The following NUP188 variants were observed in gnomAD, a reference collection of about 807,000 sequenced individuals.
NUP188 encodes nucleoporin 188, also known as nucleoporin NUP188.
In NUP188, 97 loss-of-function variants were observed where a neutral mutation model predicts 223.0. That is an observed-to-expected ratio of 0.43 (90% confidence interval 0.37 to 0.51). The LOEUF is 0.51. Ranked by LOEUF, NUP188 falls within the 20% of genes least tolerant of loss-of-function variation. The pLI is 0.00. For missense variants in NUP188, 1,947 were observed against 2,175.6 expected (o/e 0.89, Z 2.09); for synonymous variants, 869 against 828.0 (o/e 1.05, Z -0.85).
chr9:128,962,959 C>T (rs1841976420), intron 8 of NUP188, among the ~76,000 whole-genome samples: 1 of 152,124 alleles, frequency 6.6e-6, no homozygotes, highest in African/African-American at 2.4e-5. Flanking sequence ...TCTGGAATTA[C>T]ATATAAATAG....
intron 8 of NUP188, among the ~76,000 whole-genome samples, chr9:128,961,320 ACT>A (rs759084958): frequency 6.7e-6 from 1 of 149,312 alleles, no homozygotes; most frequent in African/African-American, 2.5e-5. Context: ...ACAGAGCAAG[ACT>A]CTGTCTCAGA....
chr9:128,961,360 AAGTT>A (rs1470442191), intron 8 of NUP188, among the ~76,000 whole-genome samples: 1 of 150,540 alleles, frequency 6.6e-6, no homozygotes, highest in African/African-American at 2.4e-5. Flanking sequence ...AAAAATATAA[AAGTT>A]AGCTGAGCGT....
rs111364021 is a variant in NUP188, at chr9:128,987,086, A to T, written c.2264+211A>T. On this transcript the variant is annotated intron_variant, in intron 22 of 43. Transcript: ENST00000372577. ...GAATGAGAGAGAGAGAGAGAGAGAG[A>T]GAGTGTGTGTGTGTGTGTGTGTGTG... Among the ~76,000 whole-genome samples the T allele has an allele frequency of 1.4e-3, 174 of 128,444 alleles. 3 individuals carry two copies. The highest frequency in any genetic ancestry group is 0.013 in the East Asian group (58 of 4,320). 84.3% of individuals were successfully genotyped at this position (128,444 alleles called of 152,430 possible).
intron 6 of NUP188, 37 bp downstream of exon 6, chr9:128,958,091 A>C (rs1201554614): frequency 6.4e-7 from 1 of 1,560,074 alleles, no homozygotes; most frequent in East Asian, 2.2e-5. Context: ...TTTGATGTAA[A>C]ATTGAGTGAC....
At chr9:128,954,194 C>CT (rs1841836468) in intron 3 of NUP188, among the ~76,000 whole-genome samples, 1 of 151,952 alleles carries the variant, frequency 6.6e-6, no homozygotes, top group Admixed American at 6.6e-5. Context: ...TGCCTGTAGT[C>CT]TCCTCTTAGC....
intron 34 of NUP188, 81 bp from the exon 35 acceptor site, chr9:129,001,448 C>A: frequency 2.2e-6 from 3 of 1,394,456 alleles, no homozygotes; most frequent in Non-Finnish European, 3.0e-6. Flanking sequence ...AGGTCTTGGG[C>A]AACCAGGCCC....
At chr9:128,990,733 CAGGCGCCTGT>C (rs1842410721) in intron 25 of NUP188, among the ~76,000 whole-genome samples, 1 of 152,242 alleles carries the variant, frequency 6.6e-6, no homozygotes, top group African/African-American at 2.4e-5. Flanking sequence ...GGCATTATGG[CAGGCGCCTGT>C]AGTCCCAGCT....
At chr9:129,006,153 G>C in intron 42 of NUP188, 30 bp downstream of exon 42, 4 of 1,614,092 alleles carry the variant, frequency 2.5e-6, no homozygotes, top group Non-Finnish European at 3.4e-6. Flanking sequence ...TTTGATAAGG[G>C]GCTGGGGCAG....
chr9:128,948,044 C>T, intron 1 of NUP188: 1 of 323,234 alleles, frequency 3.1e-6, no homozygotes, highest in Non-Finnish European at 5.6e-6. Context: ...CGACGCGTCT[C>T]TTGGCGCCCC....
At chr9:128,998,842 C>T (rs1842579264) in intron 32 of NUP188, among the ~76,000 whole-genome samples, 1 of 151,118 alleles carries the variant, frequency 6.6e-6, no homozygotes, top group Non-Finnish European at 1.5e-5. Flanking sequence ...TTGTCTCACT[C>T]CCCACCCCGT....
chr9:128,955,986 C>CA (rs149585164), intron 3 of NUP188, among the ~76,000 whole-genome samples: 1 of 56,474 alleles, frequency 1.8e-5, no homozygotes, highest in African/African-American at 1.6e-4. Flanking sequence ...AAGTTATTTA[C>CA]CCTAAGTGCT....
chr9:128,990,176 G>T lies in NUP188; in HGVS notation c.2590G>T (p.Asp864Tyr), dbSNP rs1842394861. ...AGCCAAATACATCTACCACAAACAT[G>T]ACCCTGCTTTGCCACGTCTTGCCAT... ...VLAKYIYHKH[D>Y]PALPRLAIQL... Residue 864 changes from aspartate to tyrosine, a missense_variant, in exon 25 of 44, where the codon GAC becomes TAC. Transcript: ENST00000372577. 4 of 1,614,050 alleles carry T rather than the reference G, an allele frequency of 2.5e-6. No homozygotes were observed. Among genetic ancestry groups the T allele is most frequent in the Admixed American group, 3.3e-5 (2 of 60,006 alleles).
intron 3 of NUP188, among the ~76,000 whole-genome samples, chr9:128,955,520 A>G (rs1841856294): frequency 6.6e-6 from 1 of 152,122 alleles, no homozygotes; most frequent in African/African-American, 2.4e-5. Flanking sequence ...TATAGACTCA[A>G]ATATATTTAT....
chr9:128,991,139 G>A (rs1842419903), intron 25 of NUP188, among the ~76,000 whole-genome samples: 1 of 151,972 alleles, frequency 6.6e-6, no homozygotes, highest in Admixed American at 6.6e-5. Context: ...TATGGGCAGG[G>A]GGATATGCCA....
At chr9:128,976,359 T>G (rs1003685135) in intron 12 of NUP188, among the ~76,000 whole-genome samples, 36 of 152,268 alleles carry the variant, frequency 2.4e-4, no homozygotes, top group African/African-American at 7.5e-4. Context: ...GAAATGAGTT[T>G]GTGTTGAATT....
rs1448305432 is a variant in NUP188 at position 128,988,132 on chromosome 9, C to A, written c.2479C>A (p.Leu827Met). Residue 827 changes from leucine to methionine, a missense_variant, in exon 24 of 44, where the codon CTG (leucine) becomes ATG (methionine). Leu to Met is a conservative substitution (Grantham distance 15). Transcript: ENST00000372577. Reference sequence around the variant, plus strand: ...CTCCGTCACCAACAATGTTATTCGGCTGAAACCTCCTTCTAATGTGGTGTC... The same window carrying A: ...CTCCGTCACCAACAATGTTATTCGGATGAAACCTCCTTCTAATGTGGTGTC... ...AFSVTNNVIR[L>M]KPPSNVVSPL... 1 of 1,614,232 alleles carries A rather than the reference C, an allele frequency of 6.2e-7. No homozygotes were observed. The highest frequency in any genetic ancestry group is 1.7e-5 in the Admixed American group (1 of 60,028).
At chr9:128,998,255 T>C in intron 31 of NUP188, 27 bp downstream of exon 31, 1 of 1,575,526 alleles carries the variant, frequency 6.3e-7, no homozygotes, top group Middle Eastern at 1.7e-4. Flanking sequence ...GATTTTACAT[T>C]TCTCCCAGGG....
rs1588266572 is a variant in NUP188, at chr9:128,951,350, G to T, written c.88-1423G>T. ...AAGTCAGGCTTGGTGGCATATGCTTGTATTAGTAGTTCCAGCTACTCAGGA... is the reference window on the plus strand; with the variant it reads ...AAGTCAGGCTTGGTGGCATATGCTTTTATTAGTAGTTCCAGCTACTCAGGA... On this transcript the variant is annotated intron_variant, in intron 2 of 43. Coordinates refer to ENST00000372577, the MANE Select transcript of NUP188 (RefSeq NM_015354.3). 2.7e-5 allele frequency among the ~76,000 whole-genome samples: 4 copies of T among 148,132 alleles called. 1 individual carries two copies.
Position 129,005,178 on chromosome 9 carries a change from C to T in NUP188, c.4466C>T (p.Thr1489Ile), listed in dbSNP as rs1842759800. ...VNLGYLCQAC[T>I]SLLHSRKMLQ... is the part of the protein sequence containing the mutation. ...CTGGGTTACTTGTGCCAGGCATGTA[C>T]CTCTCTCCTGCACAGTCGAAAGATG... Residue 1489 changes from threonine to isoleucine, a missense_variant, in exon 39 of 44, where the codon ACC becomes ATC. Thr to Ile is a moderately conservative substitution (Grantham distance 89, BLOSUM62 -1). Coordinates refer to ENST00000372577, the MANE Select transcript of NUP188 (RefSeq NM_015354.3). 2.5e-6 allele frequency: 4 copies of T among 1,614,122 alleles called. No individual in the cohort carries two copies. Among genetic ancestry groups the T allele is most frequent in the Non-Finnish European group, 2.5e-6 (3 of 1,179,976 alleles).
Sources: gnomAD v4.1 joint callset for allele counts (sites outside exome capture counted in the v4.1 genomes callset) on GRCh38, gnomAD v4.1.1 for gene constraint, MANE v1.5 for transcripts, NCBI Gene and HGNC (gene_info 2026-07-23, HGNC 2026-07-21) for gene names.